The following SNX13 variants were observed in gnomAD, a reference collection of about 807,000 sequenced individuals.
The protein encoded by SNX13 is sorting nexin 13.
In SNX13, 45 loss-of-function variants were observed where a neutral mutation model predicts 133.6. The observed-to-expected ratio is 0.34, with a 90% CI of 0.27 to 0.43. The LOEUF (loss-of-function observed/expected upper bound fraction) is 0.43. SNX13 is among the 20% of genes least tolerant of loss of function. The pLI, the probability that SNX13 is intolerant of heterozygous loss-of-function variation, is 1.00. For missense variants in SNX13, 1,032 were observed against 1,145.1 expected (o/e 0.90, Z 1.43); for synonymous variants, 414 against 373.9 (o/e 1.11, Z -1.24).
intron 3 of SNX13, among the ~76,000 whole-genome samples, chr7:17,891,884 G>A (rs1796668865): frequency 6.6e-6 from 1 of 152,004 alleles, no homozygotes; most frequent in African/African-American, 2.4e-5. Context: ...AACTGCAAAT[G>A]TACAGGTATG....
intron 7 of SNX13, 28 bp downstream of exon 7, chr7:17,875,452 T>C: frequency 6.3e-7 from 1 of 1,586,440 alleles, no homozygotes. Flanking sequence ...CAGCTACTAT[T>C]GTCAAAAAAG....
rs772350568 is a variant in SNX13, at chr7:17,850,871, C to T, written c.931G>A (p.Ala311Thr). The change falls in exon 10 of 26, where the codon GCA becomes ACA. Residue 311 changes from alanine to threonine, a missense_variant. Transcript: ENST00000428135. ...GATCTAAGATACTGTAATTCTTCTG[C>T]TGCCTTATCTCTGACTGCTTCTAGC... Reference protein sequence around the residue: ...GELEAVRDKAAEELQYLRSLD... With the variant: ...GELEAVRDKATEELQYLRSLD... The T allele has an allele frequency of 6.2e-7, 1 of 1,611,474 alleles. No individual in the cohort carries two copies. The highest frequency in any genetic ancestry group is 1.3e-5 in the African/African-American group (1 of 74,808).
Position 17,887,610 on chromosome 7 carries a change from T to C in SNX13, c.440+2753A>G, listed in dbSNP as rs1247113493. ...TCTCCAGACAAAAAATGTATGTGTT[T>C]TGTCCACTCAAGGCCAAGAGCTTAA... On this transcript the variant is annotated intron_variant, in intron 5 of 25. Transcript: ENST00000428135. Among the ~76,000 whole-genome samples the C allele has an allele frequency of 7.9e-5, 12 of 152,222 alleles. No individual in the cohort carries two copies. The South Asian group carries it at 2.5e-3, about 32-fold the overall frequency.
chr7:17,859,842 G>A (rs557999968), intron 9 of SNX13, among the ~76,000 whole-genome samples: 1 of 151,912 alleles, frequency 6.6e-6, no homozygotes, highest in East Asian at 1.9e-4. Flanking sequence ...CTTTTTTTTG[G>A]TTAAGGCTGA....
chr7:17,798,846 T>A (rs1035150060), intron 23 of SNX13, 88 bp from the exon 24 acceptor site: 11 of 1,231,810 alleles, frequency 8.9e-6, no homozygotes, highest in Non-Finnish European at 1.2e-5. Flanking sequence ...AGCAACTTAA[T>A]CTGGATGTAA....
At chr7:17,843,027 A>T (rs563818179) in intron 12 of SNX13, among the ~76,000 whole-genome samples, 1 of 152,130 alleles carries the variant, frequency 6.6e-6, no homozygotes, top group African/African-American at 2.4e-5. Flanking sequence ...AGAAAAGACT[A>T]TCAAAAAAGA....
At chr7:17,859,680 G>C (rs945235866) in intron 9 of SNX13, among the ~76,000 whole-genome samples, 1 of 152,006 alleles carries the variant, frequency 6.6e-6, no homozygotes. Context: ...AATCCTGTTG[G>C]TTCTCTCCTC....
At chr7:17,871,274 G>A (rs1191547612) in intron 8 of SNX13, among the ~76,000 whole-genome samples, 1 of 152,088 alleles carries the variant, frequency 6.6e-6, no homozygotes, top group East Asian at 1.9e-4. Context: ...CAAAGTGCTG[G>A]GATCACAGGC....
At chr7:17,813,340 C>T (rs1441938836) in intron 20 of SNX13, among the ~76,000 whole-genome samples, 1 of 152,054 alleles carries the variant, frequency 6.6e-6, no homozygotes, top group Non-Finnish European at 1.5e-5. Flanking sequence ...TAAAACTGTT[C>T]CAAGTTGGAA....
rs111635704 is a variant in SNX13, at chr7:17,934,467, A to G, written c.12+5817T>C. On this transcript the variant is annotated intron_variant, in intron 1 of 25. Transcript: ENST00000428135. ...GTCTGTGAGGATGTTTCCAGAGGAG[A>G]CTGAGATTAGCATGTGAGTCTGAGT... Among the ~76,000 whole-genome samples, 1,410 of 152,270 alleles carry G rather than the reference A, an allele frequency of 9.3e-3. 7 individuals carry two copies. The highest frequency in any genetic ancestry group is 0.017 in the Non-Finnish European group (1,132 of 68,012).
At chr7:17,867,249 A>G (rs1364902739) in intron 9 of SNX13, among the ~76,000 whole-genome samples, 2 of 152,170 alleles carry the variant, frequency 1.3e-5, no homozygotes, top group African/African-American at 2.4e-5. Context: ...TACACAATTA[A>G]TAACAACTTT....
At chr7:17,836,879 C>T (rs1172251526) in intron 13 of SNX13, among the ~76,000 whole-genome samples, 1 of 151,896 alleles carries the variant, frequency 6.6e-6, no homozygotes, top group Non-Finnish European at 1.5e-5. Context: ...CAGGTATTAT[C>T]TATATTTAAC....
chr7:17,888,826 T>C (rs1796298011), intron 5 of SNX13: 1 of 433,534 alleles, frequency 2.3e-6, no homozygotes, highest in Non-Finnish European at 4.7e-6. Flanking sequence ...ATTATTACAC[T>C]TATTTTACAT....
intron 9 of SNX13, among the ~76,000 whole-genome samples, chr7:17,859,679 G>T (rs913727638): frequency 2.0e-5 from 3 of 152,020 alleles, no homozygotes; most frequent in African/African-American, 4.8e-5. Flanking sequence ...AAATCCTGTT[G>T]GTTCTCTCCT....
At position 17,850,733 on chromosome 7, in the gene SNX13, T is replaced by C; in HGVS notation, c.976+93A>G. On this transcript the variant is annotated intron_variant, in intron 10 of 25. Coordinates refer to ENST00000428135, the MANE Select transcript of SNX13 (RefSeq NM_015132.5). ...GATTTAATTAAGGTGAAAACATTAA[T>C]ATCAGAAAATGACATTTAGGTAAAT... 4.9e-6 allele frequency: 5 copies of C among 1,018,014 alleles called. No homozygotes were observed. The East Asian group carries it at 8.5e-5, about 17-fold the overall frequency. 63.1% of individuals were successfully genotyped at this position (1,018,014 alleles called of 1,614,324 possible).
rs1247130615 is a variant in SNX13 at position 17,873,616 on chromosome 7, C to A, written c.665G>T (p.Gly222Val). 1 of 1,543,012 alleles carries A rather than the reference C, an allele frequency of 6.5e-7. No individual in the cohort carries two copies. The highest frequency in any genetic ancestry group is 8.7e-7 in the Non-Finnish European group (1 of 1,142,976). ...GACCTCACACAAATCCCTTAGGAATCCTAAAAGTAGAAAAAGTAGCTATCA... is the reference window on the plus strand; with the variant it reads ...GACCTCACACAAATCCCTTAGGAATACTAAAAGTAGAAAAAGTAGCTATCA... The part of the protein sequence containing the change: ...LVCTSPKDEE[G>V]FLRDLCEVLL... Residue 222 changes from glycine to valine, a missense_variant and splice_region_variant, in exon 8 of 26, where the codon GGA becomes GTA. Gly to Val is a moderately radical substitution (Grantham distance 109, BLOSUM62 -3). Coordinates refer to ENST00000428135, the MANE Select transcript of SNX13 (RefSeq NM_015132.5).
intron 11 of SNX13, among the ~76,000 whole-genome samples, chr7:17,847,606 T>TA (rs1790698935): frequency 6.6e-6 from 1 of 152,240 alleles, no homozygotes; most frequent in Non-Finnish European, 1.5e-5. Flanking sequence ...GTGACCTCAT[T>TA]AAAAACCTAA....
chr7:17,802,321 T>G (rs1379690941), intron 21 of SNX13, among the ~76,000 whole-genome samples: 2 of 152,214 alleles, frequency 1.3e-5, no homozygotes, highest in East Asian at 1.9e-4. Context: ...TTAGTAGTAC[T>G]GCCAGGGAAC....
intron 5 of SNX13, chr7:17,888,323 C>G (rs1471232133): frequency 6.0e-6 from 1 of 167,984 alleles, no homozygotes; most frequent in Admixed American, 6.2e-5. Flanking sequence ...TGCTTTTTCA[C>G]TAAGCTTGAT....
Sources: gnomAD v4.1 joint callset for allele counts (sites outside exome capture counted in the v4.1 genomes callset) on GRCh38, gnomAD v4.1.1 for gene constraint, MANE v1.5 for transcripts, NCBI Gene and HGNC (gene_info 2026-07-23, HGNC 2026-07-21) for gene names.